UNC80: variants seen among roughly 807,000 people sequenced by gnomAD.
UNC80 encodes the protein unc-80 subunit of NALCN channel complex, also known as protein unc-80 homolog.
Under a neutral mutation model 384.6 loss-of-function variants are expected in UNC80, and 164 were observed. The observed-to-expected ratio is 0.43, with a 90% CI of 0.38 to 0.49. The LOEUF (loss-of-function observed/expected upper bound fraction) is 0.49, where lower values mean the gene tolerates loss of function less well. Ranked by LOEUF, UNC80 falls within the 20% of genes least tolerant of loss-of-function variation. The pLI is 0.00. For missense variants in UNC80, 3,330 were observed against 4,143.0 expected (o/e 0.80, Z 5.39); for synonymous variants, 1,486 against 1,527.8 (o/e 0.97, Z 0.64).
Position 209,803,365 on chromosome 2 carries a change from G to A in UNC80, c.938+9506G>A, listed in dbSNP as rs563952609. On this transcript the variant is annotated intron_variant, in intron 7 of 64. Transcript: ENST00000673920. ...TTATGACCACCAGCACCTCCACAAG[G>A]GTTTCATTTTATTTGATGACAACAA... Among the ~76,000 whole-genome samples the A allele has an allele frequency of 9.2e-5, 14 of 152,094 alleles. No individual in the cohort carries two copies. The East Asian group carries it at 1.5e-3, about 17-fold the overall frequency.
chr2:209,843,717 C>G (rs1267939737), intron 21 of UNC80, among the ~76,000 whole-genome samples: 1 of 152,164 alleles, frequency 6.6e-6, no homozygotes, highest in Non-Finnish European at 1.5e-5. Context: ...CATATTATTA[C>G]TGAACAGGAC....
At chr2:209,779,240 CCTTT>C (rs1205784028) in intron 4 of UNC80, among the ~76,000 whole-genome samples, 1 of 152,166 alleles carries the variant, frequency 6.6e-6, no homozygotes, top group East Asian at 1.9e-4. Flanking sequence ...ATCTCACTGG[CCTTT>C]CTCTCATTCA....
chr2:209,989,742 G>A (rs1402808763), intron 61 of UNC80, among the ~76,000 whole-genome samples: 1 of 152,150 alleles, frequency 6.6e-6, no homozygotes, highest in Non-Finnish European at 1.5e-5. Context: ...GCAGATGACT[G>A]AAATATTACA....
intron 18 of UNC80, among the ~76,000 whole-genome samples, chr2:209,837,102 C>G (rs58461898): frequency 6.6e-6 from 1 of 150,728 alleles, no homozygotes; most frequent in Non-Finnish European, 1.5e-5. Context: ...ACAGAATACC[C>G]TATTTTTTAA....
chr2:209,921,002 A>G (rs1213703120), intron 33 of UNC80, among the ~76,000 whole-genome samples: 3 of 151,896 alleles, frequency 2.0e-5, no homozygotes, highest in South Asian at 4.2e-4. Context: ...TAATTTTTGT[A>G]TTTTTAGTAG....
chr2:209,820,445 T>A lies in UNC80; in HGVS notation c.2097T>A (p.Ser699Arg), dbSNP rs1299214369. ...VPCVEKNRKK[S>R]ENKENETLEK... ...GTGTAGAAAAGAATAGAAAGAAGAGTGAAAACAAGGAAAATGAGACCTTGG... is the reference window on the plus strand; with the variant it reads ...GTGTAGAAAAGAATAGAAAGAAGAGAGAAAACAAGGAAAATGAGACCTTGG... The change falls in exon 13 of 65, where the codon AGT becomes AGA. Residue 699 changes from serine to arginine, a missense_variant. This residue lies in a region of UNC80 where 937 missense variants were observed against 1,026.8 expected (regional missense o/e 0.91). Transcript: ENST00000673920. 6.4e-7 allele frequency: 1 copy of A among 1,550,994 alleles called. No homozygotes were observed. Among genetic ancestry groups the A allele is most frequent in the Non-Finnish European group, 8.7e-7 (1 of 1,146,882 alleles).
At chr2:209,824,365 A>G (rs1024498620) in intron 13 of UNC80, among the ~76,000 whole-genome samples, 7 of 152,172 alleles carry the variant, frequency 4.6e-5, no homozygotes, top group African/African-American at 1.7e-4. Flanking sequence ...AAGAAGCAGC[A>G]TGGGGCATAG....
chr2:209,913,735 G>A lies in UNC80; in HGVS notation c.4891-67G>A, dbSNP rs375529513. ...CAGAGAGAGGGGACGTGGCTTTTAA[G>A]TTTCAAGAGAAGTGCAGTATTCACT... On this transcript the variant is annotated intron_variant, in intron 30 of 64. Coordinates refer to ENST00000673920, the MANE Select transcript of UNC80 (RefSeq NM_001371986.1). 1.1e-4 allele frequency: 164 copies of A among 1,448,414 alleles called. No individual in the cohort carries two copies. In the African/African-American group the frequency reaches 2.1e-3, roughly 19 times the overall value. The allele number at this position is 1,448,414 out of a possible 1,614,324, so 89.7% of individuals were successfully genotyped here.
intron 48 of UNC80, 91 bp downstream of exon 48, chr2:209,954,361 C>G (rs1449175268): frequency 7.7e-7 from 1 of 1,294,138 alleles, no homozygotes; most frequent in Admixed American, 3.3e-5. Context: ...GGATAAAAAT[C>G]TAAAACCCAA....
At chr2:209,955,519 A>G (rs1000094332) in intron 48 of UNC80, among the ~76,000 whole-genome samples, 1 of 151,538 alleles carries the variant, frequency 6.6e-6, no homozygotes, top group African/African-American at 2.4e-5. Flanking sequence ...CCAAGGAGAA[A>G]TAGTTTTCTA....
intron 49 of UNC80, among the ~76,000 whole-genome samples, chr2:209,958,648 C>G (rs73984313): frequency 1.2e-3 from 190 of 152,268 alleles, no homozygotes; most frequent in African/African-American, 4.4e-3. Flanking sequence ...CTTCTCTAGG[C>G]TCACTGGATT....
intron 47 of UNC80, among the ~76,000 whole-genome samples, chr2:209,952,544 C>G (rs1458657486): frequency 2.0e-5 from 3 of 152,184 alleles, no homozygotes; most frequent in African/African-American, 7.2e-5. Flanking sequence ...TAGCTCTTAG[C>G]TGACATTTCT....
At position 209,976,936 on chromosome 2, in the gene UNC80, T is replaced by C; in HGVS notation, c.8796T>C (p.Asn2932=). Residue 2932 remains asparagine, a synonymous_variant, in exon 58 of 65, where the codon AAT becomes AAC. Coordinates refer to ENST00000673920, the MANE Select transcript of UNC80 (RefSeq NM_001371986.1). This position sits in a 1 kb window ranked among gnomAD's most constrained non-coding sequence, Gnocchi z 4.3. ...QCKLLAQPAE[N]HEELSARQHI... ...AGCTGCTGGCCCAACCAGCAGAGAA[T>C]CATGAAGAGCTTTCCGCCCGGCAAC... The C allele has an allele frequency of 1.3e-6, 2 of 1,523,060 alleles. No individual in the cohort carries two copies. The highest frequency in any genetic ancestry group is 8.9e-7 in the Non-Finnish European group (1 of 1,123,218). 94.3% of individuals were successfully genotyped at this position (1,523,060 alleles called of 1,614,324 possible).
intron 56 of UNC80, 148 bp from the exon 57 acceptor site, chr2:209,975,971 T>A: frequency 1.3e-6 from 1 of 780,372 alleles, no homozygotes; most frequent in Non-Finnish European, 2.0e-6. Context: ...ATACTCTTGC[T>A]CGGGAATACA....
At chr2:209,785,477 T>C (rs2077372823) in intron 4 of UNC80, among the ~76,000 whole-genome samples, 1 of 152,206 alleles carries the variant, frequency 6.6e-6, no homozygotes, top group Non-Finnish European at 1.5e-5. Context: ...ATTGTGATGA[T>C]GCTCGGGGCT....
At chr2:209,975,323 C>T (rs1376746149) in intron 56 of UNC80, among the ~76,000 whole-genome samples, 4 of 152,112 alleles carry the variant, frequency 2.6e-5, no homozygotes, top group Non-Finnish European at 5.9e-5. Context: ...AGGGAGCTCC[C>T]GTCATAATCT....
intron 7 of UNC80, among the ~76,000 whole-genome samples, chr2:209,804,684 T>C (rs1354558046): frequency 2.6e-5 from 4 of 151,650 alleles, no homozygotes; most frequent in African/African-American, 9.7e-5. Flanking sequence ...AGAAGTTATA[T>C]ATATATATAT....
At chr2:209,975,765 T>C (rs2092996515) in intron 56 of UNC80, among the ~76,000 whole-genome samples, 1 of 152,198 alleles carries the variant, frequency 6.6e-6, no homozygotes, top group African/African-American at 2.4e-5. Flanking sequence ...CATAAAGTTA[T>C]TATGATAAAA....
chr2:209,903,392 T>TTA (rs1227450964), intron 28 of UNC80, among the ~76,000 whole-genome samples: 3 of 119,520 alleles, frequency 2.5e-5, no homozygotes, highest in Non-Finnish European at 3.3e-5. Context: ...GTATATATAT[T>TTA]TATATATATA....
Sources: allele counts gnomAD v4.1 joint callset (sites outside exome capture counted in the v4.1 genomes callset), GRCh38; gene constraint gnomAD v4.1.1; regional missense constraint gnomAD v4.1.1; non-coding constraint Gnocchi (gnomAD v3.1); transcripts MANE v1.5; gene names NCBI Gene and HGNC (gene_info 2026-07-23, HGNC 2026-07-21).